FGF13: variants seen among roughly 807,000 people sequenced by gnomAD.
FGF13 encodes the protein fibroblast growth factor homologous factor 2.
Under a neutral mutation model 19.5 loss-of-function variants are expected in FGF13, and 2 were observed. The ratio of observed to expected loss-of-function variants is 0.10; its 90% CI spans 0.04 to 0.32. The LOEUF is 0.32. Among genes scored for constraint, FGF13 ranks in the 10% least tolerant of loss-of-function variants. FGF13 has a pLI of 1.00. For missense variants in FGF13, 113 were observed against 192.7 expected (o/e 0.59, Z 2.45); for synonymous variants, 72 against 76.9 (o/e 0.94, Z 0.33).
intron 1 of FGF13, among the ~76,000 whole-genome samples, chrX:139,151,664 G>C (rs1160869074): frequency 8.9e-6 from 1 of 111,800 alleles, no homozygotes; most frequent in African/African-American, 3.2e-5. Context: ...GAAGCACCTT[G>C]CTATTAAATA....
intron 1 of FGF13, among the ~76,000 whole-genome samples, chrX:139,181,956 A>T (rs776783631): frequency 9.1e-6 from 1 of 109,294 alleles, no homozygotes; most frequent in African/African-American, 3.3e-5. Flanking sequence ...TTCCTTCACC[A>T]CCCTCTTCTC....
chrX:138,908,131 C>T (rs191472751), intron 1 of FGF13, among the ~76,000 whole-genome samples: 1 of 53,095 alleles, frequency 1.9e-5, no homozygotes, highest in Admixed American at 1.9e-4. Flanking sequence ...ACTGCAGTGG[C>T]GCTATCTCGG....
At chrX:138,981,068 T>C (rs1390833900) in intron 1 of FGF13, among the ~76,000 whole-genome samples, 1 of 111,414 alleles carries the variant, frequency 9.0e-6, no homozygotes, top group Non-Finnish European at 1.9e-5. Context: ...TTTTGTTTAT[T>C]TCATTCTTAT....
At chrX:138,833,333 T>A (rs1046180592) in intron 3 of FGF13, among the ~76,000 whole-genome samples, 2 of 112,018 alleles carry the variant, frequency 1.8e-5, no homozygotes, top group African/African-American at 6.5e-5. Flanking sequence ...ATCTCCGATT[T>A]CTTTGAGCAG....
At chrX:138,925,193 A>G (rs1040791802) in intron 1 of FGF13, among the ~76,000 whole-genome samples, 1 of 111,971 alleles carries the variant, frequency 8.9e-6, no homozygotes, top group Non-Finnish European at 1.9e-5. Context: ...TCGGCAAAGC[A>G]GATGTTGGTA....
intron 1 of FGF13, among the ~76,000 whole-genome samples, chrX:138,879,317 T>C (rs1170137208): frequency 9.0e-6 from 1 of 111,407 alleles, no homozygotes; most frequent in Non-Finnish European, 1.9e-5. Flanking sequence ...GTGTAAATTG[T>C]CTTTTTCACT....
chrX:138,749,322 T>TAC (rs34038080), intron 3 of FGF13, among the ~76,000 whole-genome samples: 5,325 of 81,594 alleles, frequency 0.065, 177 homozygotes, highest in African/African-American at 0.1. Context: ...GAGACCAAAA[T>TAC]ACACACACAC....
At chrX:139,195,579 A>G (rs2084364849) in intron 1 of FGF13, among the ~76,000 whole-genome samples, 1 of 112,156 alleles carries the variant, frequency 8.9e-6, no homozygotes, top group African/African-American at 3.2e-5. Flanking sequence ...TGCTACCTAC[A>G]TTATTTGGAG....
intron 1 of FGF13, among the ~76,000 whole-genome samples, chrX:138,974,138 C>T (rs1264195366): frequency 8.9e-6 from 1 of 111,822 alleles, no homozygotes; most frequent in South Asian, 3.7e-4. Context: ...AAATATATTG[C>T]TATTGTTTAT....
chrX:138,920,773 G>A (rs1231448420), intron 1 of FGF13, among the ~76,000 whole-genome samples: 1 of 111,436 alleles, frequency 9.0e-6, no homozygotes. Flanking sequence ...TGGTCCAAGT[G>A]CTCCTGGTCT....
rs916655654 is a variant in FGF13 at position 138,704,461 on chromosome X, A to G, written c.299-1374T>C. ...GTTGATGATTTTGCCTTGTTTTGTAAGTTTATTGAGGATAATAAATCAGTC... is the reference window on the plus strand; with the variant it reads ...GTTGATGATTTTGCCTTGTTTTGTAGGTTTATTGAGGATAATAAATCAGTC... On this transcript the variant is annotated intron_variant, in intron 2 of 4. Coordinates refer to ENST00000315930, the MANE Select transcript of FGF13 (RefSeq NM_004114.5). 4.4e-5 allele frequency among the ~76,000 whole-genome samples: 5 copies of G among 112,749 alleles called. No homozygotes were observed. In the South Asian group the frequency reaches 1.8e-3, roughly 41 times the overall value.
intron 1 of FGF13, among the ~76,000 whole-genome samples, chrX:138,873,905 A>T (rs946067241): frequency 6.6e-4 from 70 of 106,788 alleles, no homozygotes; most frequent in African/African-American, 2.4e-3. Flanking sequence ...TGGCAAGGAC[A>T]AAAAACCAAA....
intron 1 of FGF13, among the ~76,000 whole-genome samples, chrX:138,981,807 A>C (rs996399648): frequency 1.8e-5 from 2 of 109,975 alleles, no homozygotes; most frequent in African/African-American, 3.3e-5. Context: ...CTCACATCTT[A>C]TTTCTCTCTC....
At chrX:138,667,166 G>A (rs912002308) in intron 3 of FGF13, among the ~76,000 whole-genome samples, 20 of 105,829 alleles carry the variant, frequency 1.9e-4, no homozygotes, top group Middle Eastern at 5.1e-3. Context: ...TATAAAATAC[G>A]TATATATTAC....
chrX:138,839,724 T>A (rs2124105917), intron 3 of FGF13, among the ~76,000 whole-genome samples: 1 of 112,087 alleles, frequency 8.9e-6, no homozygotes, highest in East Asian at 2.8e-4. Context: ...TAAAATGTTT[T>A]GTCAATAGAG....
intron 3 of FGF13, among the ~76,000 whole-genome samples, chrX:138,751,114 T>C (rs1459262074): frequency 9.0e-6 from 1 of 111,584 alleles, no homozygotes; most frequent in Non-Finnish European, 1.9e-5. Flanking sequence ...CTTTTGTCAT[T>C]AGAAGATGAC....
intron 3 of FGF13, among the ~76,000 whole-genome samples, chrX:138,755,853 T>A (rs2090428304): frequency 8.9e-6 from 1 of 112,073 alleles, no homozygotes; most frequent in African/African-American, 3.2e-5. Context: ...AATTCATAGG[T>A]TGAAATACCC....
chrX:138,798,416 T>G (rs949157111), intron 3 of FGF13, among the ~76,000 whole-genome samples: 1 of 112,164 alleles, frequency 8.9e-6, no homozygotes, highest in Non-Finnish European at 1.9e-5. Flanking sequence ...TGAAGTTGAC[T>G]TCATCGTGGT....
In FGF13 at chrX:138,631,398, A is replaced by T. The variant is rs1237783628; in HGVS notation, c.*1452T>A. The T allele has an allele frequency of 1.8e-5, 2 of 111,898 alleles. No homozygotes were observed. The highest frequency in any genetic ancestry group is 9.5e-5 in the Admixed American group (1 of 10,492). The allele number at this position is 111,898 out of a possible 1,213,427, so 9.2% of individuals were successfully genotyped here. A position where few individuals can be genotyped will look rare whatever the true frequency, so the allele number is the denominator to read the frequency against. On this transcript the variant is annotated 3_prime_UTR_variant, in exon 5 of 5. Coordinates refer to ENST00000315930, the MANE Select transcript of FGF13 (RefSeq NM_004114.5). Reference sequence around the variant, plus strand: ...TTCCTTTGTACCAATCTGAAGTGCAAGTACAGTAACTAGTAAAATAAACAC... The same window carrying T: ...TTCCTTTGTACCAATCTGAAGTGCATGTACAGTAACTAGTAAAATAAACAC...
Sources: allele counts gnomAD v4.1 joint callset (sites outside exome capture counted in the v4.1 genomes callset), GRCh38; gene constraint gnomAD v4.1.1; transcripts MANE v1.5; gene names NCBI Gene and HGNC (gene_info 2026-07-23, HGNC 2026-07-21).